PCDHGB1: variants seen among roughly 807,000 people sequenced by gnomAD.
PCDHGB1 encodes the protein protocadherin gamma-B1.
In PCDHGB1, 34 loss-of-function variants were observed where a neutral mutation model predicts 56.6. That is an observed-to-expected ratio of 0.60 (90% CI 0.46 to 0.80). The LOEUF is 0.80. Ranked by LOEUF, PCDHGB1 falls within the 30% of genes least tolerant of loss-of-function variation. The pLI, the probability that PCDHGB1 is intolerant of heterozygous loss-of-function variation, is 0.00. For synonymous variants in PCDHGB1, 561 were observed against 505.9 expected (o/e 1.11, Z -1.46); for missense variants, 1,278 against 1,204.6 (o/e 1.06, Z -0.90).
Position 141,486,070 on chromosome 5 carries a change from T to C in PCDHGB1, c.2410-8737T>C. ...ACCTCTTTAGCCTGCACCCCACTAC[T>C]GGAAAGCTTACTCTTTTGGGGCCCC... On this transcript the variant is annotated intron_variant, in intron 1 of 3. Coordinates refer to ENST00000523390, the MANE Select transcript of PCDHGB1 (RefSeq NM_018922.3). The surrounding 1 kb of genome is among the most constrained non-coding windows in gnomAD (Gnocchi z 5.0). 6.2e-7 allele frequency: 1 copy of C among 1,614,158 alleles called. No homozygotes were observed. The highest frequency in any genetic ancestry group is 8.5e-7 in the Non-Finnish European group (1 of 1,180,010).
At chr5:141,454,870 C>T (rs2098805291) in intron 1 of PCDHGB1, among the ~76,000 whole-genome samples, 1 of 131,902 alleles carries the variant, frequency 7.6e-6, no homozygotes, top group Non-Finnish European at 1.5e-5. Context: ...TGCAGTGGCA[C>T]GATCTTGGCT....
chr5:141,418,669 C>G, intron 1 of PCDHGB1: 1 of 1,614,018 alleles, frequency 6.2e-7, no homozygotes, highest in Non-Finnish European at 8.5e-7. Flanking sequence ...CTGACCAGGA[C>G]GAGGGCATCA....
chr5:141,423,887 T>C, intron 1 of PCDHGB1: 2 of 1,282,240 alleles, frequency 1.6e-6, no homozygotes, highest in Non-Finnish European at 2.0e-6. Context: ...CTTGGCATAT[T>C]TTCTTTTGAT....
At chr5:141,443,317 C>A (rs898636207) in intron 1 of PCDHGB1, among the ~76,000 whole-genome samples, 39 of 142,046 alleles carry the variant, frequency 2.7e-4, no homozygotes, top group Non-Finnish European at 2.5e-4. Context: ...CCCATCTCTA[C>A]AAAAAAAAAA....
intron 1 of PCDHGB1, chr5:141,398,933 A>C: frequency 1.2e-6 from 2 of 1,614,010 alleles, no homozygotes; most frequent in Non-Finnish European, 1.7e-6. Context: ...GCCACTGACC[A>C]AGACGAGGGC....
At chr5:141,495,020 C>G in intron 2 of PCDHGB1, 155 bp downstream of exon 2, 1 of 976,790 alleles carries the variant, frequency 1.0e-6, no homozygotes, top group Non-Finnish European at 1.2e-6. Context: ...GGCTGGCACA[C>G]AGACCCCGGA....
intron 1 of PCDHGB1, chr5:141,428,142 C>A: frequency 6.3e-7 from 1 of 1,594,260 alleles, no homozygotes; most frequent in Non-Finnish European, 8.6e-7. Flanking sequence ...CCTGGGGCTG[C>A]ACACGGGAAC....
chr5:141,493,250 C>T lies in PCDHGB1; in HGVS notation c.2410-1557C>T, dbSNP rs1330348553. On this transcript the variant is annotated intron_variant, in intron 1 of 3. Coordinates refer to ENST00000523390, the MANE Select transcript of PCDHGB1 (RefSeq NM_018922.3). The surrounding 1 kb of genome is among the most constrained non-coding windows in gnomAD (Gnocchi z 4.3). ...TGCTGTTGGCTAGGTACTAACATGC[C>T]TCTCTTATAACAGCTTCACAGAGGT... Among the ~76,000 whole-genome samples the T allele has an allele frequency of 1.3e-5, 2 of 152,154 alleles. No homozygotes were observed. Among genetic ancestry groups the T allele is most frequent in the Non-Finnish European group, 2.9e-5 (2 of 68,024 alleles).
chr5:141,438,165 G>GA (rs1252266607), intron 1 of PCDHGB1, among the ~76,000 whole-genome samples: 2 of 152,076 alleles, frequency 1.3e-5, no homozygotes, highest in East Asian at 3.8e-4. Flanking sequence ...AAGCTAATTG[G>GA]AAAAAATATT....
At chr5:141,396,826 T>C (rs2150684125) in intron 1 of PCDHGB1, among the ~76,000 whole-genome samples, 1 of 152,342 alleles carries the variant, frequency 6.6e-6, no homozygotes, top group South Asian at 2.1e-4. Flanking sequence ...ATGGTGCATA[T>C]TCAGTGGAGT....
At chr5:141,413,658 T>G (rs2154544690) in intron 1 of PCDHGB1, 1 of 1,613,860 alleles carries the variant, frequency 6.2e-7, no homozygotes, top group East Asian at 2.2e-5. Flanking sequence ...TCCCGGAAGC[T>G]ATTGATCCGG....
In PCDHGB1 at chr5:141,432,177, CTG is replaced by C. The variant is rs769631339; in HGVS notation, c.2410-62627_2410-62626del. 4 of 1,614,102 alleles carry C rather than the reference CTG, an allele frequency of 2.5e-6. No homozygotes were observed. Among genetic ancestry groups the C allele is most frequent in the Admixed American group, 1.7e-5 (1 of 60,012 alleles). ...AATCCCAGAGGAGTTTCCCTCGTCT[CTG>C]TGACCGCCCACGACCCCGACTGTGA... On this transcript the variant is annotated intron_variant, in intron 1 of 3. Transcript: ENST00000523390. The surrounding 1 kb of genome is among the most constrained non-coding windows in gnomAD (Gnocchi z 6.0).
At chr5:141,364,137 G>T in intron 1 of PCDHGB1, 1 of 496,716 alleles carries the variant, frequency 2.0e-6, no homozygotes, top group Non-Finnish European at 3.4e-6. Flanking sequence ...GTTGACCAAA[G>T]TGGGAAAGAA....
At chr5:141,412,273 C>T (rs1007252273) in intron 1 of PCDHGB1, 4 of 152,206 alleles carry the variant, frequency 2.6e-5, no homozygotes, top group Admixed American at 6.5e-5. Flanking sequence ...ACTTTTAGTA[C>T]TTCAAATTCT....
At position 141,370,526 on chromosome 5, in the gene PCDHGB1, C is replaced by T. The variant is rs533530770; in HGVS notation, c.2409+17857C>T. 25 of 1,613,860 alleles carry T rather than the reference C, an allele frequency of 1.5e-5. No individual in the cohort carries two copies. In the East Asian group the frequency reaches 4.0e-4, roughly 26 times the overall value. ...CTATTCCCGAGGAGCTGGACAGGGG[C>T]TCGCTGGTAGGGAACCTCGCCAAGG... On this transcript the variant is annotated intron_variant, in intron 1 of 3. Transcript: ENST00000523390.
At chr5:141,376,477 T>C (rs550916604) in intron 1 of PCDHGB1, 1 of 1,614,200 alleles carries the variant, frequency 6.2e-7, no homozygotes, top group African/African-American at 1.3e-5. Context: ...AGGATTTACT[T>C]GAAACGAAAG....
chr5:141,403,212 C>T (rs755734755), intron 1 of PCDHGB1: 8 of 1,613,834 alleles, frequency 5.0e-6, no homozygotes, highest in East Asian at 2.2e-5. Context: ...TTGGTCACCG[C>T]GGGTAGGATA....
At chr5:141,482,999 T>G (rs1031397558) in intron 1 of PCDHGB1, among the ~76,000 whole-genome samples, 3 of 151,950 alleles carry the variant, frequency 2.0e-5, no homozygotes, top group Non-Finnish European at 2.9e-5. Flanking sequence ...GCAGGAGAAT[T>G]GCTTGAACCC....
chr5:141,372,646 C>T, intron 1 of PCDHGB1: 1 of 1,614,008 alleles, frequency 6.2e-7, no homozygotes, highest in Middle Eastern at 1.6e-4. Context: ...TTGCCTTATT[C>T]CTACAATCCG....
Sources: allele counts gnomAD v4.1 joint callset (sites outside exome capture counted in the v4.1 genomes callset), GRCh38; gene constraint gnomAD v4.1.1; non-coding constraint Gnocchi (gnomAD v3.1); transcripts MANE v1.5; gene names NCBI Gene and HGNC (gene_info 2026-07-23, HGNC 2026-07-21).